Variants in SMG6 observed in about 807,000 individuals in gnomAD.
SMG6 encodes the protein SMG6 nonsense mediated mRNA decay factor, also known as telomerase-binding protein EST1A.
In SMG6, 66 loss-of-function variants were observed where a neutral mutation model predicts 142.2. The ratio of observed to expected loss-of-function variants is 0.46; its 90% confidence interval spans 0.38 to 0.57. The LOEUF (loss-of-function observed/expected upper bound fraction) is 0.57. Among genes scored for constraint, SMG6 ranks in the 20% least tolerant of loss-of-function variants. The pLI is 0.00. For synonymous variants in SMG6, 779 were observed against 702.4 expected (o/e 1.11, Z -1.72); for missense variants, 1,793 against 1,832.0 (o/e 0.98, Z 0.39).
At chr17:2,230,186 C>CCAAAA (rs2073433310) in intron 10 of SMG6, among the ~76,000 whole-genome samples, 1 of 8,192 alleles carries the variant, frequency 1.2e-4, no homozygotes, top group Non-Finnish European at 3.0e-4. Flanking sequence ...ACTCCGTCTC[C>CCAAAA]AAAAAAAAAA....
intron 10 of SMG6, 21 bp from the exon 11 acceptor site, chr17:2,188,536 C>T: frequency 1.2e-6 from 2 of 1,605,218 alleles, no homozygotes; most frequent in Non-Finnish European, 1.7e-6. Context: ...GCAAATGAAA[C>T]TCTCAGCGCC....
At chr17:2,234,125 C>T (rs767839415) in intron 10 of SMG6, among the ~76,000 whole-genome samples, 9 of 152,084 alleles carry the variant, frequency 5.9e-5, no homozygotes, top group Non-Finnish European at 1.2e-4. Context: ...AGAGGGTACT[C>T]GTTATGACCC....
At chr17:2,087,989 C>G in intron 13 of SMG6, 1 of 985,814 alleles carries the variant, frequency 1.0e-6, no homozygotes, top group Non-Finnish European at 1.2e-6. Context: ...CAGGATTTTC[C>G]TTCTTGGTGT....
At chr17:2,190,963 C>G (rs2072142046) in intron 10 of SMG6, among the ~76,000 whole-genome samples, 1 of 152,196 alleles carries the variant, frequency 6.6e-6, no homozygotes. Context: ...AGGCCTCTGA[C>G]TGGCCATGTT....
At chr17:2,137,563 G>C (rs2070344433) in intron 13 of SMG6, among the ~76,000 whole-genome samples, 1 of 152,058 alleles carries the variant, frequency 6.6e-6, no homozygotes, top group African/African-American at 2.4e-5. Flanking sequence ...TTCTCGGGGA[G>C]GAGTTTAAAA....
chr17:2,076,335 T>C (rs1235485408), intron 15 of SMG6, among the ~76,000 whole-genome samples: 1 of 152,192 alleles, frequency 6.6e-6, no homozygotes, highest in African/African-American at 2.4e-5. Flanking sequence ...ATTGTATTAG[T>C]GTGACCCAGG....
intron 13 of SMG6, among the ~76,000 whole-genome samples, chr17:2,151,274 C>T (rs567475441): frequency 9.9e-5 from 15 of 152,182 alleles, no homozygotes; most frequent in East Asian, 3.8e-4. Flanking sequence ...TAACCCATCC[C>T]TCCATTTTTA....
chr17:2,292,911 C>T lies in SMG6; in HGVS notation c.2218G>A (p.Glu740Lys), dbSNP rs2075070196. ...TAATTCGCTGTATCACTGGCTTGCTCCCGGTACCTAGCAATATCTCCTTGG... is the reference window on the plus strand; with the variant it reads ...TAATTCGCTGTATCACTGGCTTGCTTCCGGTACCTAGCAATATCTCCTTGG... The part of the protein sequence containing the change: ...ICQGDIARYR[E>K]QASDTANYGK... The change falls in exon 5 of 19, where the codon GAG (glutamate) becomes AAG (lysine). Residue 740 changes from glutamate to lysine, a missense_variant. By Grantham distance (56) the Glu-to-Lys change is moderately conservative. This residue lies in a region of SMG6 where 1,597 missense variants were observed against 1,584.6 expected (regional missense o/e 1.01). Coordinates refer to ENST00000263073, the MANE Select transcript of SMG6 (RefSeq NM_017575.5). 9 of 1,614,124 alleles carry T rather than the reference C, an allele frequency of 5.6e-6. No homozygotes were observed. Among genetic ancestry groups the T allele is most frequent in the Non-Finnish European group, 7.6e-6 (9 of 1,180,002 alleles).
intron 10 of SMG6, among the ~76,000 whole-genome samples, chr17:2,228,933 C>T (rs910456761): frequency 9.9e-5 from 15 of 152,074 alleles, no homozygotes; most frequent in African/African-American, 3.6e-4. Flanking sequence ...CTTTCTGTAT[C>T]AATGACATAT....
intron 13 of SMG6, among the ~76,000 whole-genome samples, chr17:2,112,438 G>A (rs1412866116): frequency 1.3e-5 from 2 of 151,468 alleles, no homozygotes; most frequent in African/African-American, 2.4e-5. Flanking sequence ...AACCCGGGAG[G>A]CGGAGGTTGC....
chr17:2,159,101 T>C (rs1243368431), intron 13 of SMG6, among the ~76,000 whole-genome samples: 1 of 152,064 alleles, frequency 6.6e-6, no homozygotes, highest in African/African-American at 2.4e-5. Flanking sequence ...CATAAAAAGA[T>C]GCTCATCATT....
At chr17:2,153,507 G>A (rs148690718) in intron 13 of SMG6, among the ~76,000 whole-genome samples, 1 of 152,332 alleles carries the variant, frequency 6.6e-6, no homozygotes, top group South Asian at 2.1e-4. Context: ...ATGCAAACCC[G>A]CCCATCTTGG....
At chr17:2,137,994 A>G (rs1322084559) in intron 13 of SMG6, among the ~76,000 whole-genome samples, 1 of 152,176 alleles carries the variant, frequency 6.6e-6, no homozygotes, top group Non-Finnish European at 1.5e-5. Flanking sequence ...GGAGAGTAGT[A>G]TCACGGAGCT....
intron 13 of SMG6, among the ~76,000 whole-genome samples, chr17:2,119,897 C>T (rs901759553): frequency 2.0e-5 from 3 of 151,868 alleles, no homozygotes; most frequent in Admixed American, 2.0e-4. Context: ...CTCCTGACCT[C>T]GCGATCCACC....
chr17:2,155,351 G>A (rs900573608), intron 13 of SMG6, among the ~76,000 whole-genome samples: 5 of 152,114 alleles, frequency 3.3e-5, no homozygotes, highest in Admixed American at 2.6e-4. Flanking sequence ...CGTGAGCCAC[G>A]GCGAATGAAC....
intron 8 of SMG6, among the ~76,000 whole-genome samples, chr17:2,279,422 C>T (rs894451132): frequency 7.9e-5 from 12 of 152,150 alleles, no homozygotes; most frequent in Non-Finnish European, 1.6e-4. Context: ...TGTAAGAGCA[C>T]ACAGAAATAA....
At chr17:2,174,393 G>A (rs1347379483) in intron 12 of SMG6, among the ~76,000 whole-genome samples, 2 of 152,228 alleles carry the variant, frequency 1.3e-5, no homozygotes, top group Admixed American at 6.5e-5. Flanking sequence ...ACATGCCACC[G>A]AAGGTGACAG....
intron 10 of SMG6, among the ~76,000 whole-genome samples, chr17:2,189,010 C>A (rs570641611): frequency 2.6e-5 from 4 of 152,322 alleles, no homozygotes; most frequent in South Asian, 4.1e-4. Flanking sequence ...GAATCACCAA[C>A]CTTTAGTCCC....
intron 8 of SMG6, among the ~76,000 whole-genome samples, chr17:2,258,830 T>C (rs1251711457): frequency 6.9e-6 from 1 of 145,960 alleles, no homozygotes; most frequent in Non-Finnish European, 1.5e-5. Flanking sequence ...GCGCGATGGC[T>C]CACACCTGCA....
Sources: gnomAD v4.1 joint callset for allele counts (sites outside exome capture counted in the v4.1 genomes callset) on GRCh38, gnomAD v4.1.1 for gene constraint, gnomAD v4.1.1 regional missense constraint, MANE v1.5 for transcripts, NCBI Gene and HGNC (gene_info 2026-07-23, HGNC 2026-07-21) for gene names.